The following NRXN3 variants were observed in gnomAD, a reference collection of about 807,000 sequenced individuals.
The protein encoded by NRXN3 is neurexin III.
Under a neutral mutation model 137.6 loss-of-function variants are expected in NRXN3, and 32 were observed. The observed-to-expected ratio is 0.23, with a 90% CI of 0.18 to 0.31. NRXN3 has a LOEUF of 0.31. Ranked by LOEUF, NRXN3 falls within the 10% of genes least tolerant of loss-of-function variation. The pLI, the probability that NRXN3 is intolerant of heterozygous loss-of-function variation, is 1.00. For missense variants in NRXN3, 1,574 were observed against 2,062.5 expected (o/e 0.76, Z 4.59); for synonymous variants, 798 against 784.5 (o/e 1.02, Z -0.29).
chr14:78,449,912 C>A (rs935708469), intron 4 of NRXN3, among the ~76,000 whole-genome samples: 3 of 152,098 alleles, frequency 2.0e-5, no homozygotes, highest in African/African-American at 7.2e-5. Context: ...TCTTTGTATC[C>A]CACTAAGGAA....
chr14:79,314,615 CACAG>C (rs1232888854), intron 15 of NRXN3, among the ~76,000 whole-genome samples: 1 of 80,864 alleles, frequency 1.2e-5, no homozygotes, highest in African/African-American at 5.1e-5. Flanking sequence ...GGGGGCAGGG[CACAG>C]ACAAACAAAA....
intron 1 of NRXN3, among the ~76,000 whole-genome samples, chr14:78,191,641 G>A (rs2060740418): frequency 6.6e-6 from 1 of 152,166 alleles, no homozygotes; most frequent in African/African-American, 2.4e-5. Flanking sequence ...CTTTGGCTTG[G>A]AAGTTTCCTT....
intron 4 of NRXN3, among the ~76,000 whole-genome samples, chr14:78,310,412 C>T (rs2077846376): frequency 6.6e-6 from 1 of 151,880 alleles, no homozygotes; most frequent in Admixed American, 6.6e-5. Context: ...TATTTATGTG[C>T]TGTCTGTTCA....
chr14:79,818,051 T>G (rs1334764446), intron 20 of NRXN3, among the ~76,000 whole-genome samples: 4 of 135,650 alleles, frequency 2.9e-5, no homozygotes, highest in African/African-American at 1.1e-4. Context: ...CTTGGGTTTT[T>G]TTTTTTTTTT....
At chr14:78,514,729 A>G (rs909639149) in intron 4 of NRXN3, among the ~76,000 whole-genome samples, 4 of 152,184 alleles carry the variant, frequency 2.6e-5, no homozygotes, top group Admixed American at 6.5e-5. Flanking sequence ...TCGTATAGTC[A>G]TAGAACTATG....
At chr14:78,409,572 T>C (rs1333907168) in intron 4 of NRXN3, among the ~76,000 whole-genome samples, 3 of 152,214 alleles carry the variant, frequency 2.0e-5, no homozygotes, top group Non-Finnish European at 4.4e-5. Context: ...CCCTAACCTC[T>C]TGATATGAAT....
At chr14:78,672,326 A>G (rs934440008) in intron 6 of NRXN3, among the ~76,000 whole-genome samples, 3 of 152,212 alleles carry the variant, frequency 2.0e-5, no homozygotes, top group African/African-American at 7.2e-5. Context: ...CAAAGGCATC[A>G]ATATATTGTT....
At chr14:79,157,704 C>A (rs2060379315) in intron 15 of NRXN3, among the ~76,000 whole-genome samples, 1 of 151,734 alleles carries the variant, frequency 6.6e-6, no homozygotes, top group Non-Finnish European at 1.5e-5. Flanking sequence ...ACTCAAAATT[C>A]ATATTGATCA....
chr14:79,506,746 T>C (rs1462268701), intron 16 of NRXN3, among the ~76,000 whole-genome samples: 1 of 152,126 alleles, frequency 6.6e-6, no homozygotes, highest in Non-Finnish European at 1.5e-5. Context: ...CCATAACCTT[T>C]CATCTAGGGG....
At chr14:79,277,876 G>A (rs2080543292) in intron 15 of NRXN3, among the ~76,000 whole-genome samples, 2 of 152,194 alleles carry the variant, frequency 1.3e-5, no homozygotes, top group South Asian at 4.1e-4. Context: ...TTTACTACGG[G>A]CAGCTTGAAG....
chr14:78,239,815 T>C (rs2066846769), intron 1 of NRXN3, among the ~76,000 whole-genome samples: 3 of 152,128 alleles, frequency 2.0e-5, no homozygotes, highest in Non-Finnish European at 2.9e-5. Flanking sequence ...CCAGCAATTC[T>C]CCCTGCCTCA....
intron 15 of NRXN3, among the ~76,000 whole-genome samples, chr14:79,162,396 G>T (rs1273670082): frequency 6.7e-6 from 1 of 150,164 alleles, no homozygotes; most frequent in East Asian, 2.0e-4. Context: ...TGCGGTGTTT[G>T]GTTTTTTGTT....
intron 4 of NRXN3, among the ~76,000 whole-genome samples, chr14:78,365,392 C>G (rs191997230): frequency 6.6e-5 from 10 of 152,268 alleles, no homozygotes; most frequent in Admixed American, 3.3e-4. Flanking sequence ...AGGCTTTACT[C>G]CATGCAGACA....
chr14:79,719,372 G>GTA (rs544807637), intron 19 of NRXN3, among the ~76,000 whole-genome samples: 11 of 149,346 alleles, frequency 7.4e-5, no homozygotes, highest in Admixed American at 3.3e-4. Context: ...GTGTGTATGT[G>GTA]TATATATATG....
Position 78,645,196 on chromosome 14 carries a change from C to T in NRXN3, c.834C>T (p.Ser278=). The change falls in exon 5 of 21, where the codon AGC becomes AGT. Residue 278 remains serine, a synonymous_variant. Coordinates refer to ENST00000335750, the MANE Select transcript of NRXN3 (RefSeq NM_001330195.2). ...ACCTGTCTCAGAACCCGATCCAGAG[C>T]AGCAGTGATGAAATCACCCTCTCCT... is the stretch of plus-strand genomic sequence containing the variant. The part of the protein sequence containing the change: ...CYDLSQNPIQ[S]SSDEITLSFK... The T allele has an allele frequency of 6.3e-7, 1 of 1,597,276 alleles. No homozygotes were observed. The highest frequency in any genetic ancestry group is 2.2e-5 in the East Asian group (1 of 44,844).
At chr14:79,845,097 T>C (rs35753838) in intron 20 of NRXN3, among the ~76,000 whole-genome samples, 115,849 of 152,024 alleles carry the variant, frequency 0.76, 44,462 homozygotes, top group East Asian at 0.91. Flanking sequence ...CTTCCAACTT[T>C]ACTTCTGTAG....
At chr14:78,196,392 G>C (rs1315478956) in intron 1 of NRXN3, among the ~76,000 whole-genome samples, 1 of 152,234 alleles carries the variant, frequency 6.6e-6, no homozygotes, top group Non-Finnish European at 1.5e-5. Context: ...AAATAATGAG[G>C]TGAGTTTGGT....
chr14:79,003,236 G>A (rs563700197), intron 15 of NRXN3, among the ~76,000 whole-genome samples: 265 of 152,212 alleles, frequency 1.7e-3, no homozygotes, highest in Non-Finnish European at 2.1e-3. Context: ...TTCTTGCCTG[G>A]AATGAAGAAA....
rs190183797 is a variant in NRXN3 at position 78,322,429 on chromosome 14, T to C, written c.757+24569T>C. On this transcript the variant is annotated intron_variant, in intron 4 of 20. Coordinates refer to ENST00000335750, the MANE Select transcript of NRXN3 (RefSeq NM_001330195.2). ...GCGCTCTGGAGTCCAAGACCTCCAA[T>C]AGTAGTATTGTGTAATGTTGTAGCC... Among the ~76,000 whole-genome samples, 193 of 152,092 alleles carry C rather than the reference T, an allele frequency of 1.3e-3. 3 individuals carry two copies. Among genetic ancestry groups the C allele is most frequent in the African/African-American group, 4.5e-3 (188 of 41,398 alleles).
Sources: gnomAD v4.1 joint callset for allele counts (sites outside exome capture counted in the v4.1 genomes callset) on GRCh38, gnomAD v4.1.1 for gene constraint, MANE v1.5 for transcripts, NCBI Gene and HGNC (gene_info 2026-07-23, HGNC 2026-07-21) for gene names.